The following MUC3A variants were observed in gnomAD, a reference collection of about 807,000 sequenced individuals.
MUC3A encodes mucin-3A.
In MUC3A, 109 loss-of-function variants were observed where a neutral mutation model predicts 109.0. That is an observed-to-expected ratio of 1.00 (90% confidence interval 0.86 to 1.17). MUC3A has a LOEUF of 1.17. Ranked by LOEUF, MUC3A falls within the 50% of genes most tolerant of loss-of-function variation. The pLI is 0.00. For missense variants in MUC3A, 3,537 were observed against 2,469.4 expected (o/e 1.43, Z -9.16); for synonymous variants, 1,398 against 981.4 (o/e 1.42, Z -7.93).
Position 100,963,753 on chromosome 7 carries a change from G to A in MUC3A, c.9233+1G>A, listed in dbSNP as rs928399602. On this transcript the variant is annotated splice_donor_variant, in intron 5 of 11. Transcript: ENST00000379458. LOFTEE classifies it high-confidence loss of function. ...AGGGTGTGGAGATCCTGTCCCTGAG[G>A]TAGGAGACCCATCTGGGGATGCGGA... The A allele has an allele frequency of 6.3e-7, 1 of 1,598,460 alleles. No homozygotes were observed. The highest frequency in any genetic ancestry group is 1.3e-5 in the African/African-American group (1 of 74,962).
chr7:100,952,159 A>G lies in MUC3A; in HGVS notation c.380A>G (p.Glu127Gly), dbSNP rs185426475. The change falls in exon 2 of 12, where the codon GAG becomes GGG. Residue 127 changes from glutamate (E) to glycine (G), a missense_variant. Coordinates refer to ENST00000379458, the MANE Select transcript of MUC3A (RefSeq NM_005960.2). The part of the protein sequence containing the change: ...PTVLVYSATT[E>G]CVYPTSFIIT... ...GTGTTGGTCTATTCAGCCACCACTG[A>G]GTGCGTGTATCCAACGAGCTTTATA... The G allele has an allele frequency of 1.6e-5, 25 of 1,598,418 alleles. No individual in the cohort carries two copies. The Admixed American group carries it at 1.7e-4, about 11-fold the overall frequency.
chr7:100,966,308 CG>C (rs1404084316), intron 8 of MUC3A, 77 bp from the exon 9 acceptor site: 1 of 1,255,944 alleles, frequency 8.0e-7, no homozygotes, highest in Admixed American at 4.0e-5. Context: ...CCCCCTCACC[CG>C]CCCCCGCGGG....
chr7:100,964,011 T>C (rs1792434097), intron 5 of MUC3A: 3 of 611,864 alleles, frequency 4.9e-6, no homozygotes, highest in Non-Finnish European at 2.9e-6. Flanking sequence ...CCTGGATTGA[T>C]GACTTTGTCC....
In MUC3A at chr7:100,964,715, A is replaced by G. The variant is rs1422954680; in HGVS notation, c.9254A>G (p.Asp3085Gly). Residue 3085 changes from aspartate (D) to glycine (G), a missense_variant, in exon 6 of 12, where the codon GAC becomes GGC. Physicochemically the swap from Asp to Gly is moderately conservative, Grantham distance 94. Transcript: ENST00000379458. ...LSLRNGSIVVDYLVLLEMPFS... is the reference protein window; with the variant it reads ...LSLRNGSIVVGYLVLLEMPFS... The stretch of plus-strand genomic sequence containing the variant: ...CTCAGGAATGGCAGCATCGTGGTGG[A>G]CTACCTGGTCCTGCTGGAGATGCCC... The G allele has an allele frequency of 9.4e-6, 15 of 1,598,366 alleles. No homozygotes were observed. Among genetic ancestry groups the G allele is most frequent in the Non-Finnish European group, 1.3e-5 (15 of 1,179,684 alleles).
chr7:100,965,601 G>A (rs1792505416), intron 7 of MUC3A, 103 bp from the exon 8 acceptor site: 1 of 1,523,552 alleles, frequency 6.6e-7, no homozygotes, highest in East Asian at 2.3e-5. Context: ...TCCCACCTCG[G>A]AAATGGAATC....
Position 100,955,465 on chromosome 7 carries a change from C to T in MUC3A, c.3686C>T (p.Ser1229Phe), listed in dbSNP as rs1792074254. 3.4e-6 allele frequency: 2 copies of T among 580,896 alleles called. No homozygotes were observed. Among genetic ancestry groups the T allele is most frequent in the Admixed American group, 3.2e-5 (1 of 31,330 alleles). The allele number at this position is 580,896 out of a possible 1,614,324, so 36.0% of individuals were successfully genotyped here. The part of the protein sequence containing the change: ...DLTSTFTVSS[S>F]SAMSTSVIPS... Reference sequence around the variant, plus strand: ...ACATCAACATTCACTGTTTCCAGTTCCTCAGCAATGTCCACAAGTGTCATT... The same window carrying T: ...ACATCAACATTCACTGTTTCCAGTTTCTCAGCAATGTCCACAAGTGTCATT... The change falls in exon 2 of 12, where the codon TCC (serine) becomes TTC (phenylalanine). Residue 1229 changes from serine (S) to phenylalanine (F), a missense_variant. By Grantham distance (155) the Ser-to-Phe change is radical. Transcript: ENST00000379458.
Position 100,954,898 on chromosome 7 carries a change from C to G in MUC3A, c.3119C>G (p.Thr1040Ser), listed in dbSNP as rs1182447232. ...PTATNTLSPL[T>S]SSILSSTPVP... is the part of the protein sequence containing the mutation. Reference sequence around the variant, plus strand: ...GCCACTAATACATTATCACCACTCACCAGTAGCATTTTATCTTCTACACCT... The same window carrying G: ...GCCACTAATACATTATCACCACTCAGCAGTAGCATTTTATCTTCTACACCT... The change falls in exon 2 of 12, where the codon ACC becomes AGC. Residue 1040 changes from threonine (T) to serine (S), a missense_variant. Coordinates refer to ENST00000379458, the MANE Select transcript of MUC3A (RefSeq NM_005960.2). 1 of 383,786 alleles carries G rather than the reference C, an allele frequency of 2.6e-6. No individual in the cohort carries two copies. Among genetic ancestry groups the G allele is most frequent in the Non-Finnish European group, 4.5e-6 (1 of 224,476 alleles). The allele number at this position is 383,786 out of a possible 1,614,324, so 23.8% of individuals were successfully genotyped here.
chr7:100,952,469 C>T lies in MUC3A; in HGVS notation c.690C>T (p.Pro230=), dbSNP rs1368421213. The T allele has an allele frequency of 1.3e-6, 2 of 1,598,486 alleles. No individual in the cohort carries two copies. Among genetic ancestry groups the T allele is most frequent in the African/African-American group, 1.3e-5 (1 of 74,960 alleles). ...CAACTAGAACCACAGAAAGGACTCC[C>T]CTGCCCACTGGAAGCATCCATACAA... ...SSTTRTTERT[P]LPTGSIHTTT... The change falls in exon 2 of 12, where the codon CCC becomes CCT. Residue 230 remains proline, a synonymous_variant. Coordinates refer to ENST00000379458, the MANE Select transcript of MUC3A (RefSeq NM_005960.2).
At chr7:100,964,211 T>A in intron 5 of MUC3A, 2 of 221,076 alleles carry the variant, frequency 9.0e-6, no homozygotes, top group Non-Finnish European at 9.0e-6. Context: ...GCTAGGCGGG[T>A]GGATCACCTG....
intron 3 of MUC3A, among the ~76,000 whole-genome samples, chr7:100,962,231 C>CAAAAAAAAAAAAAAA (rs1171031869): frequency 6.7e-5 from 1 of 15,032 alleles, no homozygotes; most frequent in Non-Finnish European, 1.2e-4. Flanking sequence ...GACTCCGTCT[C>CAAAAAAAAAAAAAAA]AAAAAAAAAA....
In MUC3A at chr7:100,955,906, C is replaced by A; in HGVS notation, c.4127C>A (p.Ser1376Tyr). 2.0e-6 allele frequency: 1 copy of A among 499,500 alleles called. No homozygotes were observed. The highest frequency in any genetic ancestry group is 3.6e-6 in the Non-Finnish European group (1 of 281,172). 30.9% of individuals were successfully genotyped at this position (499,500 alleles called of 1,614,324 possible). The change falls in exon 2 of 12, where the codon TCT becomes TAT. Residue 1376 changes from serine (S) to tyrosine (Y), a missense_variant. Transcript: ENST00000379458. ...LTPTTDFSTE[S>Y]LTTAMTSTPP... ...CCTACAACTGACTTTTCTACAGAATCTCTCACAACAGCCATGACTTCTACT... is the reference window on the plus strand; with the variant it reads ...CCTACAACTGACTTTTCTACAGAATATCTCACAACAGCCATGACTTCTACT...
Position 100,953,224 on chromosome 7 carries a change from C to T in MUC3A, c.1445C>T (p.Thr482Met), listed in dbSNP as rs1377936344. The change falls in exon 2 of 12, where the codon ACG becomes ATG. Residue 482 changes from threonine to methionine, a missense_variant. By Grantham distance (81) the Thr-to-Met change is moderately conservative (BLOSUM62 -1). Coordinates refer to ENST00000379458, the MANE Select transcript of MUC3A (RefSeq NM_005960.2). The part of the protein sequence containing the change: ...FTVSSSSAMS[T>M]SVIPSSPSIQ... ...GTTTCCAGTTCCTCAGCAATGTCCA[C>T]GAGTGTCATTCCATCTTCCCCCAGC... is the stretch of plus-strand genomic sequence containing the variant. 2.4e-5 allele frequency: 11 copies of T among 464,848 alleles called. No individual in the cohort carries two copies. The highest frequency in any genetic ancestry group is 1.4e-4 in the African/African-American group (4 of 28,008). 28.8% of individuals were successfully genotyped at this position (464,848 alleles called of 1,614,324 possible). A position where few individuals can be genotyped will look rare whatever the true frequency, so the allele number is the denominator to read the frequency against.
Position 100,957,626 on chromosome 7 carries a change from G to C in MUC3A, c.5847G>C (p.Lys1949Asn). 2 of 1,584,398 alleles carry C rather than the reference G, an allele frequency of 1.3e-6. No individual in the cohort carries two copies. The highest frequency in any genetic ancestry group is 1.7e-6 in the Non-Finnish European group (2 of 1,171,674). The change falls in exon 2 of 12, where the codon AAG (lysine) becomes AAC (asparagine). Residue 1949 changes from lysine to asparagine, a missense_variant. By Grantham distance (94) the Lys-to-Asn change is moderately conservative (BLOSUM62 0). Transcript: ENST00000379458. The stretch of plus-strand genomic sequence containing the variant: ...TCACTTCTTCAATCACCAATACCAA[G>C]ACCACCTCACACAGCTCTCCCAGCT... ...PRFTSSITNT[K>N]TTSHSSPSFT...
Position 100,959,748 on chromosome 7 carries a change from G to A in MUC3A, c.7969G>A (p.Glu2657Lys). The A allele has an allele frequency of 1.3e-6, 2 of 1,598,454 alleles. No individual in the cohort carries two copies. The highest frequency in any genetic ancestry group is 1.1e-5 in the South Asian group (1 of 91,058). Residue 2657 changes from glutamate (E) to lysine (K), a missense_variant, in exon 2 of 12, where the codon GAG becomes AAG. Coordinates refer to ENST00000379458, the MANE Select transcript of MUC3A (RefSeq NM_005960.2). ...SLQTSLTSTS[E>K]FTTESFTRGS... is the part of the protein sequence containing the mutation. Reference sequence around the variant, plus strand: ...GCAAACTTCACTCACATCTACAAGTGAGTTCACTACAGAATCTTTCACTAG... The same window carrying A: ...GCAAACTTCACTCACATCTACAAGTAAGTTCACTACAGAATCTTTCACTAG...
Position 100,954,955 on chromosome 7 carries a change from C to G in MUC3A, c.3176C>G (p.Thr1059Ser). Residue 1059 changes from threonine (T) to serine (S), a missense_variant, in exon 2 of 12, where the codon ACC (threonine) becomes AGC (serine). Physicochemically the swap from Thr to Ser is moderately conservative, Grantham distance 58. Transcript: ENST00000379458. Reference protein sequence around the residue: ...VPSTEMITSHTTNTTPLSTLV... With the variant: ...VPSTEMITSHSTNTTPLSTLV... ...AGCACAGAAATGATCACCAGTCATA[C>G]CACAAACACCACCCCTCTATCCACC... 1.8e-6 allele frequency: 1 copy of G among 550,930 alleles called. No individual in the cohort carries two copies. Among genetic ancestry groups the G allele is most frequent in the Non-Finnish European group, 3.2e-6 (1 of 313,034 alleles). The allele number at this position is 550,930 out of a possible 1,614,324, so 34.1% of individuals were successfully genotyped here. A position where few individuals can be genotyped will look rare whatever the true frequency, so the allele number is the denominator to read the frequency against.
chr7:100,966,326 G>C, intron 8 of MUC3A, 60 bp from the exon 9 acceptor site: 1 of 1,246,394 alleles, frequency 8.0e-7, no homozygotes, highest in Non-Finnish European at 9.9e-7. Flanking sequence ...CGGGGCCCAG[G>C]TGCACGGGTG....
Position 100,959,130 on chromosome 7 carries a change from A to G in MUC3A, c.7351A>G (p.Thr2451Ala). ...CCTCAGTTCTTCAACCATCTACTCC[A>G]CAGTCAGCACATCCACAACTGCCAT... ...PSLSSSTIYSTVSTSTTAITS... is the reference protein window; with the variant it reads ...PSLSSSTIYSAVSTSTTAITS... The change falls in exon 2 of 12, where the codon ACA becomes GCA. Residue 2451 changes from threonine to alanine, a missense_variant. By Grantham distance (58) the Thr-to-Ala change is moderately conservative. Coordinates refer to ENST00000379458, the MANE Select transcript of MUC3A (RefSeq NM_005960.2). 1 of 1,444,778 alleles carries G rather than the reference A, an allele frequency of 6.9e-7. No individual in the cohort carries two copies. The highest frequency in any genetic ancestry group is 9.1e-7 in the Non-Finnish European group (1 of 1,103,256). The allele number at this position is 1,444,778 out of a possible 1,614,324, so 89.5% of individuals were successfully genotyped here.
chr7:100,963,303 T>TTTTTTGA (rs1554459579), intron 4 of MUC3A, 37 bp downstream of exon 4: 114 of 1,392,534 alleles, frequency 8.2e-5, no homozygotes, highest in Non-Finnish European at 9.6e-5. Context: ...TTTTTTTTTT[T>TTTTTTGA]GAGGTGTAGT....
In MUC3A at chr7:100,959,311, C is replaced by G. The variant is rs541628829; in HGVS notation, c.7532C>G (p.Ser2511Cys). The part of the protein sequence containing the change: ...TSLTTTTDFP[S>C]IPTDISTLPT... The stretch of plus-strand genomic sequence containing the variant: ...TTGACTACAACCACAGACTTTCCCT[C>G]TATACCCACTGATATCAGTACCTTA... Residue 2511 changes from serine (S) to cysteine (C), a missense_variant, in exon 2 of 12, where the codon TCT (serine) becomes TGT (cysteine). Physicochemically the swap from Ser to Cys is moderately radical, Grantham distance 112 (BLOSUM62 -1). Transcript: ENST00000379458. The G allele has an allele frequency of 9.5e-6, 15 of 1,573,112 alleles. No individual in the cohort carries two copies. The highest frequency in any genetic ancestry group is 1.3e-5 in the African/African-American group (1 of 74,698).
Sources: allele counts gnomAD v4.1 joint callset (sites outside exome capture counted in the v4.1 genomes callset), GRCh38; gene constraint gnomAD v4.1.1; transcripts MANE v1.5; gene names NCBI Gene and HGNC (gene_info 2026-07-23, HGNC 2026-07-21).